SCN1A: variants seen among roughly 807,000 people sequenced by gnomAD.
SCN1A encodes the protein sodium channel protein type 1 subunit alpha.
SCN1A carries 13 observed loss-of-function variants against 193.7 expected under a neutral mutation model. That is an observed-to-expected ratio of 0.07 (90% CI 0.04 to 0.11). SCN1A has a LOEUF of 0.11. Ranked by LOEUF, SCN1A falls within the 10% of genes least tolerant of loss-of-function variation. The pLI is 1.00. For synonymous variants in SCN1A, 781 were observed against 843.6 expected (o/e 0.93, Z 1.29); for missense variants, 1,432 against 2,451.1 (o/e 0.58, Z 8.78).
intron 1 of SCN1A, among the ~76,000 whole-genome samples, chr2:166,136,913 C>G (rs1401505098): frequency 1.3e-5 from 2 of 152,180 alleles, no homozygotes; most frequent in Admixed American, 6.5e-5. Flanking sequence ...TCTGCTAATG[C>G]CTGTCTTGGG....
intron 2 of SCN1A, among the ~76,000 whole-genome samples, chr2:166,094,406 G>A (rs997128797): frequency 6.6e-6 from 1 of 152,132 alleles, no homozygotes; most frequent in Admixed American, 6.5e-5. Flanking sequence ...ATAGTAAGTT[G>A]TGCCCAGAAT....
intron 2 of SCN1A, among the ~76,000 whole-genome samples, chr2:166,083,699 A>G (rs1331720142): frequency 6.6e-6 from 1 of 152,172 alleles, no homozygotes; most frequent in Non-Finnish European, 1.5e-5. Flanking sequence ...TTGTCATTAA[A>G]GAGTAAGACC....
At chr2:166,067,742 A>G (rs924336412) in intron 4 of SCN1A, among the ~76,000 whole-genome samples, 11 of 139,360 alleles carry the variant, frequency 7.9e-5, no homozygotes, top group African/African-American at 3.0e-4. Context: ...CTTTTCTAAC[A>G]GTTCCTCTTC....
At chr2:166,146,445 G>C (rs934889165) in intron 1 of SCN1A, among the ~76,000 whole-genome samples, 1 of 152,180 alleles carries the variant, frequency 6.6e-6, no homozygotes, top group Non-Finnish European at 1.5e-5. Context: ...CTAGGTCAGT[G>C]GTTCTCAAAT....
chr2:166,044,172 TTTGA>T (rs556750603), intron 13 of SCN1A, 123 bp from the exon 14 acceptor site: 211 of 1,107,774 alleles, frequency 1.9e-4, no homozygotes, highest in Admixed American at 1.3e-3. Flanking sequence ...GTTCATTCCT[TTTGA>T]TTATCATTCT....
intron 4 of SCN1A, among the ~76,000 whole-genome samples, chr2:166,058,967 T>A (rs894973024): frequency 6.6e-6 from 1 of 152,128 alleles, no homozygotes; most frequent in Non-Finnish European, 1.5e-5. Flanking sequence ...TTTCTCGATA[T>A]TTTAAGTGTC....
At chr2:166,138,856 A>G (rs1427405230) in intron 1 of SCN1A, among the ~76,000 whole-genome samples, 1 of 152,156 alleles carries the variant, frequency 6.6e-6, no homozygotes, top group African/African-American at 2.4e-5. Context: ...AGCAACTAGG[A>G]GGGAGTCTGT....
rs764292628 is a variant in SCN1A at position 166,039,453 on chromosome 2, T to G, written c.2559A>C (p.Glu853Asp). 3.0e-5 allele frequency: 48 copies of G among 1,612,596 alleles called. No individual in the cohort carries two copies. Among genetic ancestry groups the G allele is most frequent in the Non-Finnish European group, 3.9e-5 (46 of 1,179,362 alleles). Residue 853 changes from glutamate (E) to aspartate (D), a missense_variant, in exon 17 of 29, where the codon GAA becomes GAC. This residue lies in a region of SCN1A where 93 missense variants were observed against 260.4 expected (regional missense o/e 0.36). Transcript: ENST00000674923. Reference protein sequence around the residue: ...SLVELGLANVEGLSVLRSFRL... With the variant: ...SLVELGLANVDGLSVLRSFRL... ...GAAATGAACGGAGAACAGATAATCC[T>G]TCCACATTGGCGAGTCCAAGTTCTA...
At chr2:166,016,993 A>T (rs73969769) in intron 19 of SCN1A, among the ~76,000 whole-genome samples, 5,491 of 150,352 alleles carry the variant, frequency 0.037, 335 homozygotes, top group African/African-American at 0.13. Flanking sequence ...AGGATAGCTT[A>T]TATGTCTGGG....
chr2:166,060,488 A>G (rs1434949566), intron 4 of SCN1A: 1 of 152,190 alleles, frequency 6.6e-6, no homozygotes, highest in African/African-American at 2.4e-5. Context: ...AGGAATAAAT[A>G]TGGTCCACCT....
intron 2 of SCN1A, among the ~76,000 whole-genome samples, chr2:166,097,283 A>G (rs919118056): frequency 1.3e-5 from 2 of 151,704 alleles, no homozygotes; most frequent in Non-Finnish European, 2.9e-5. Flanking sequence ...TGGCCTTCCA[A>G]TGTTTTCTTT....
intron 19 of SCN1A, chr2:166,027,187 C>T (rs1694908529): frequency 6.6e-6 from 1 of 152,166 alleles, no homozygotes; most frequent in Non-Finnish European, 1.5e-5. Flanking sequence ...TTGCCTTGTA[C>T]ACCAGGGCAT....
chr2:165,994,678 C>T (rs893198068), intron 27 of SCN1A, among the ~76,000 whole-genome samples: 1 of 141,270 alleles, frequency 7.1e-6, no homozygotes, highest in Admixed American at 7.1e-5. Context: ...AACAAACAAA[C>T]AAAAGAAACA....
chr2:166,146,626 G>C (rs1426970502), intron 1 of SCN1A, among the ~76,000 whole-genome samples: 4 of 152,160 alleles, frequency 2.6e-5, no homozygotes, highest in Non-Finnish European at 5.9e-5. Flanking sequence ...TGACCCAAAT[G>C]TCAATAGTAC....
intron 4 of SCN1A, among the ~76,000 whole-genome samples, chr2:166,070,812 T>C (rs547131571): frequency 6.6e-6 from 1 of 152,232 alleles, no homozygotes; most frequent in Non-Finnish European, 1.5e-5. Flanking sequence ...AGATGAAGAA[T>C]GTCTACCTTT....
At chr2:166,044,115 T>C (rs1351664521) in intron 13 of SCN1A, 66 bp from the exon 14 acceptor site, 118 of 1,563,504 alleles carry the variant, frequency 7.5e-5, no homozygotes, top group Non-Finnish European at 1.0e-4. Flanking sequence ...TGATTTCATT[T>C]TGCAAGATTA....
At chr2:166,086,365 G>A (rs112682699) in intron 2 of SCN1A, among the ~76,000 whole-genome samples, 1 of 152,026 alleles carries the variant, frequency 6.6e-6, no homozygotes, top group Non-Finnish European at 1.5e-5. Flanking sequence ...TGTGTCCTCT[G>A]CTTCACCTTT....
chr2:166,075,719 ATGTT>A (rs1410901258), intron 3 of SCN1A, among the ~76,000 whole-genome samples: 2 of 152,032 alleles, frequency 1.3e-5, no homozygotes, highest in Non-Finnish European at 2.9e-5. Context: ...TTTGTACAGA[ATGTT>A]TATTTATGAT....
At chr2:166,078,002 T>C (rs1173453884) in intron 2 of SCN1A, among the ~76,000 whole-genome samples, 1 of 151,878 alleles carries the variant, frequency 6.6e-6, no homozygotes, top group Non-Finnish European at 1.5e-5. Flanking sequence ...TATGACATTA[T>C]GGAAAAGACA....
Sources: gnomAD v4.1 joint callset for allele counts (sites outside exome capture counted in the v4.1 genomes callset) on GRCh38, gnomAD v4.1.1 for gene constraint, gnomAD v4.1.1 regional missense constraint, MANE v1.5 for transcripts, NCBI Gene and HGNC (gene_info 2026-07-23, HGNC 2026-07-21) for gene names.